The following AOAH variants were observed in gnomAD, a reference collection of about 807,000 sequenced individuals.
AOAH encodes the protein acyloxyacyl hydrolase.
A neutral mutation model predicts 92.2 loss-of-function variants in AOAH; 64 were observed. That is an observed-to-expected ratio of 0.69 (90% CI 0.57 to 0.86). The LOEUF (loss-of-function observed/expected upper bound fraction) is 0.86, where lower values mean the gene tolerates loss of function less well. Among genes scored for constraint, AOAH ranks in the 40% least tolerant of loss-of-function variants. AOAH has a pLI of 0.00. For missense variants in AOAH, 656 were observed against 694.6 expected (o/e 0.94, Z 0.62); for synonymous variants, 263 against 254.5 (o/e 1.03, Z -0.32).
At chr7:36,561,324 G>GT (rs1787247331) in intron 13 of AOAH, among the ~76,000 whole-genome samples, 1 of 152,156 alleles carries the variant, frequency 6.6e-6, no homozygotes. Flanking sequence ...TTACAGGCAT[G>GT]AGCCACCATG....
intron 1 of AOAH, among the ~76,000 whole-genome samples, chr7:36,719,857 G>C (rs1049135719): frequency 6.6e-6 from 1 of 152,084 alleles, no homozygotes; most frequent in African/African-American, 2.4e-5. Context: ...GATCACTAGA[G>C]CCTGGGCTGT....
chr7:36,638,192 G>T lies in AOAH; in HGVS notation c.391-282C>A, dbSNP rs1434546338. ...CGACCATTTCATAGACGAGGAAACCGAGATGCAGAAAAGCTAAGAGATCTC... is the reference window on the plus strand; with the variant it reads ...CGACCATTTCATAGACGAGGAAACCTAGATGCAGAAAAGCTAAGAGATCTC... On this transcript the variant is annotated intron_variant, in intron 4 of 20. Transcript: ENST00000617537. Among the ~76,000 whole-genome samples, 12 of 152,274 alleles carry T rather than the reference G, an allele frequency of 7.9e-5. No individual in the cohort carries two copies. In the South Asian group the frequency reaches 2.3e-3, roughly 29 times the overall value.
chr7:36,621,035 T>C (rs1562629824), intron 8 of AOAH, among the ~76,000 whole-genome samples: 1 of 152,204 alleles, frequency 6.6e-6, no homozygotes. Flanking sequence ...TTAACCTTGG[T>C]TTGGGATATT....
chr7:36,682,382 T>C (rs181557487), intron 2 of AOAH, among the ~76,000 whole-genome samples: 2 of 152,318 alleles, frequency 1.3e-5, no homozygotes, highest in Admixed American at 1.3e-4. Context: ...CCTCTCTTTC[T>C]AAGAGTTTTT....
intron 4 of AOAH, among the ~76,000 whole-genome samples, chr7:36,654,848 C>A (rs1794783253): frequency 1.3e-5 from 2 of 152,126 alleles, no homozygotes; most frequent in African/African-American, 2.4e-5. Context: ...GAAAAACAGA[C>A]CCTAGATAAA....
rs557570413 is a variant in AOAH at position 36,555,645 on chromosome 7, T to C, written c.1022-6170A>G. ...TCTTTTTGGTTGGTAAGCTATTGAT[T>C]ATTGCCACAATTTCAGCTCCTGTTA... is the stretch of plus-strand genomic sequence containing the variant. On this transcript the variant is annotated intron_variant, in intron 13 of 20. Transcript: ENST00000617537. Among the ~76,000 whole-genome samples, 5 of 152,280 alleles carry C rather than the reference T, an allele frequency of 3.3e-5. No individual in the cohort carries two copies. The East Asian group carries it at 9.6e-4, about 29-fold the overall frequency.
At chr7:36,680,871 C>G (rs548038817) in intron 2 of AOAH, among the ~76,000 whole-genome samples, 15 of 152,316 alleles carry the variant, frequency 9.8e-5, no homozygotes, top group African/African-American at 3.6e-4. Flanking sequence ...CCGGTTTCCA[C>G]TTCACCAGAA....
At chr7:36,648,047 G>A (rs369425112) in intron 4 of AOAH, among the ~76,000 whole-genome samples, 2 of 152,008 alleles carry the variant, frequency 1.3e-5, no homozygotes, top group East Asian at 1.9e-4. Context: ...GGCCAGGCTG[G>A]TCTCGAACTC....
At chr7:36,705,163 T>C (rs1016249615) in intron 1 of AOAH, among the ~76,000 whole-genome samples, 9 of 150,364 alleles carry the variant, frequency 6.0e-5, no homozygotes, top group Admixed American at 4.6e-4. Flanking sequence ...GCAAGAGAAA[T>C]AGATACTCAA....
intron 11 of AOAH, among the ~76,000 whole-genome samples, chr7:36,599,391 T>G (rs1487133426): frequency 6.6e-6 from 1 of 152,196 alleles, no homozygotes; most frequent in Admixed American, 6.5e-5. Context: ...GGGAGTATCC[T>G]CAGTGCCTTT....
chr7:36,705,187 A>G (rs2116919859), intron 1 of AOAH, among the ~76,000 whole-genome samples: 1 of 152,312 alleles, frequency 6.6e-6, no homozygotes, highest in South Asian at 2.1e-4. Flanking sequence ...GAAAGAGAGA[A>G]AGTCAAATTA....
intron 20 of AOAH, among the ~76,000 whole-genome samples, chr7:36,514,264 G>A (rs969809271): frequency 4.6e-5 from 7 of 151,694 alleles, no homozygotes; most frequent in South Asian, 2.1e-4. Context: ...AGGACACGGC[G>A]TGTGCAAAGG....
In AOAH at chr7:36,579,513, A is replaced by AATAT. The variant is rs148671536; in HGVS notation, c.939-2861_939-2858dup. On this transcript the variant is annotated intron_variant, in intron 12 of 20. Coordinates refer to ENST00000617537, the MANE Select transcript of AOAH (RefSeq NM_001637.4). The stretch of plus-strand genomic sequence containing the variant: ...CTAGAGGGACAGAACTAATGGAATG[A>AATAT]ATATATATATATATGGGGGGGTTTT... Among the ~76,000 whole-genome samples, 26 of 151,006 alleles carry AATAT rather than the reference A, an allele frequency of 1.7e-4. 1 individual carries two copies. The highest frequency in any genetic ancestry group is 5.6e-4 in the African/African-American group (23 of 41,292).
rs770133465 is a variant in AOAH, at chr7:36,616,496, C to CATT, written c.752-25_752-23dup. The stretch of plus-strand genomic sequence containing the variant: ...GAACCTAGGCAGCACAATTTATTCA[C>CATT]ATTATTTATGCACTCAAGTAGTTTG... On this transcript the variant is annotated intron_variant, in intron 10 of 20. Coordinates refer to ENST00000617537, the MANE Select transcript of AOAH (RefSeq NM_001637.4). 71 of 1,602,534 alleles carry CATT rather than the reference C, an allele frequency of 4.4e-5. No individual in the cohort carries two copies. The East Asian group carries it at 1.4e-3, about 32-fold the overall frequency.
intron 1 of AOAH, among the ~76,000 whole-genome samples, chr7:36,687,572 T>C (rs1045634853): frequency 3.9e-5 from 6 of 152,110 alleles, no homozygotes; most frequent in African/African-American, 1.4e-4. Context: ...GGACTCTTTT[T>C]TTCGTATAAA....
At chr7:36,589,930 A>AT (rs925940756) in intron 12 of AOAH, among the ~76,000 whole-genome samples, 9 of 151,760 alleles carry the variant, frequency 5.9e-5, no homozygotes, top group South Asian at 2.1e-4. Flanking sequence ...TTTAATCTTA[A>AT]TTTTTTTTAC....
At chr7:36,603,766 T>C (rs1790777946) in intron 11 of AOAH, among the ~76,000 whole-genome samples, 1 of 152,338 alleles carries the variant, frequency 6.6e-6, no homozygotes, top group East Asian at 1.9e-4. Context: ...CAGACTTAGT[T>C]TGTATCTGGG....
intron 16 of AOAH, among the ~76,000 whole-genome samples, chr7:36,535,626 T>C (rs1324613300): frequency 6.6e-6 from 1 of 152,202 alleles, no homozygotes; most frequent in African/African-American, 2.4e-5. Context: ...TTCCTCTCCA[T>C]AGTCTAACCC....
intron 13 of AOAH, among the ~76,000 whole-genome samples, chr7:36,565,836 T>C (rs1787669408): frequency 6.6e-6 from 1 of 152,164 alleles, no homozygotes; most frequent in Non-Finnish European, 1.5e-5. Context: ...ACACCGTGCC[T>C]GGCCAAATGT....
Sources: gnomAD v4.1 joint callset for allele counts (sites outside exome capture counted in the v4.1 genomes callset) on GRCh38, gnomAD v4.1.1 for gene constraint, MANE v1.5 for transcripts, NCBI Gene and HGNC (gene_info 2026-07-23, HGNC 2026-07-21) for gene names.